Variants in ZNF570 observed in about 807,000 individuals in gnomAD.
The protein encoded by ZNF570 is zinc finger protein 570.
Under a neutral mutation model 14.2 loss-of-function variants are expected in ZNF570, and 8 were observed. That is an observed-to-expected ratio of 0.56 (90% CI 0.33 to 1.02). The LOEUF (loss-of-function observed/expected upper bound fraction) is 1.02, where lower values mean the gene tolerates loss of function less well. Among genes scored for constraint, ZNF570 ranks in the 50% least tolerant of loss-of-function variants. The probability of loss-of-function intolerance (pLI) is 0.03; values close to 1 mark genes in which losing one functional copy is unlikely to be tolerated. For synonymous variants in ZNF570, 202 were observed against 207.6 expected (o/e 0.97, Z 0.23); for missense variants, 559 against 624.9 (o/e 0.89, Z 1.12).
In ZNF570 at chr19:37,483,861, C is replaced by T. The variant is rs1568771008; in HGVS notation, c.257-18C>T. 1.2e-5 allele frequency: 19 copies of T among 1,560,090 alleles called. No individual in the cohort carries two copies. In the Admixed American group the frequency reaches 1.4e-4, roughly 12 times the overall value. On this transcript the variant is annotated intron_variant, in intron 4 of 4. Coordinates refer to ENST00000330173, the MANE Select transcript of ZNF570 (RefSeq NM_144694.5). ...ATACTCAATAGAGGAGACATTTTTT[C>T]TTATTATTACTTTTCAGGCTGGGAG...
rs1568761360 is a variant in ZNF570, at chr19:37,470,295, C to T, written c.-51-9C>T. On this transcript the variant is annotated splice_polypyrimidine_tract_variant and intron_variant, in intron 1 of 4. Coordinates refer to ENST00000330173, the MANE Select transcript of ZNF570 (RefSeq NM_144694.5). ...AGTCTAGTTTCTCATGTTCTTTTCC[C>T]CATCTCAGTCATCTGAGGCCACTGC... The T allele has an allele frequency of 6.2e-7, 1 of 1,613,158 alleles. No homozygotes were observed. Among genetic ancestry groups the T allele is most frequent in the Non-Finnish European group, 8.5e-7 (1 of 1,179,414 alleles).
chr19:37,475,616 T>G (rs1437426949), intron 2 of ZNF570, among the ~76,000 whole-genome samples: 1 of 152,008 alleles, frequency 6.6e-6, no homozygotes, highest in Non-Finnish European at 1.5e-5. Flanking sequence ...AAATTTTAGT[T>G]GAGGAGGGTG....
upstream of ZNF570, chr19:37,467,935 GAC>G: frequency 2.6e-6 from 4 of 1,536,126 alleles, no homozygotes; most frequent in Non-Finnish European, 3.5e-6. Flanking sequence ...TTGTGAGTGT[GAC>G]AGTGTTATTG....
chr19:37,483,790 T>G, intron 4 of ZNF570, 89 bp from the exon 5 acceptor site: 1 of 1,357,964 alleles, frequency 7.4e-7, no homozygotes, highest in Non-Finnish European at 9.9e-7. Context: ...GCTATTTAAT[T>G]CACATATTTT....
upstream of ZNF570, chr19:37,468,063 C>G: frequency 1.3e-6 from 1 of 756,986 alleles, no homozygotes; most frequent in Middle Eastern, 2.4e-4. Flanking sequence ...CTTCTCTATG[C>G]CTTTCGTGTT....
chr19:37,479,849 T>C (rs1031204883), intron 4 of ZNF570, among the ~76,000 whole-genome samples: 2 of 152,200 alleles, frequency 1.3e-5, no homozygotes, highest in African/African-American at 4.8e-5. Context: ...TTCCTACTCC[T>C]TTATTCTCCG....
At chr19:37,476,215 C>A in intron 3 of ZNF570, 124 bp from the exon 4 acceptor site, 1 of 1,302,712 alleles carries the variant, frequency 7.7e-7, no homozygotes, top group Non-Finnish European at 1.0e-6. Flanking sequence ...TAATACATGT[C>A]CTTTACACAT....
At position 37,483,874 on chromosome 19, in the gene ZNF570, T is replaced by C. The variant is rs1370846222; in HGVS notation, c.257-5T>C. ...GAGACATTTTTTCTTATTATTACTT[T>C]TCAGGCTGGGAGCCTATATGTGAGA... On this transcript the variant is annotated splice_region_variant and splice_polypyrimidine_tract_variant and intron_variant, in intron 4 of 4. Transcript: ENST00000330173. 2 of 1,577,438 alleles carry C rather than the reference T, an allele frequency of 1.3e-6. No individual in the cohort carries two copies. Among genetic ancestry groups the C allele is most frequent in the Non-Finnish European group, 1.7e-6 (2 of 1,167,000 alleles).
At position 37,484,761 on chromosome 19, in the gene ZNF570, A is replaced by G. The variant is rs2042131924; in HGVS notation, c.1139A>G (p.His380Arg). The G allele has an allele frequency of 6.2e-7, 1 of 1,614,166 alleles. No homozygotes were observed. The highest frequency in any genetic ancestry group is 1.1e-5 in the South Asian group (1 of 91,084). ...RAYLTVHQRI[H>R]TGERPYECKE... ...TACCTTACTGTACATCAGAGAATAC[A>G]TACTGGAGAGAGACCCTATGAATGT... Residue 380 changes from histidine to arginine, a missense_variant, in exon 5 of 5, where the codon CAT becomes CGT. Physicochemically the swap from His to Arg is conservative, Grantham distance 29. Coordinates refer to ENST00000330173, the MANE Select transcript of ZNF570 (RefSeq NM_144694.5).
Position 37,484,000 on chromosome 19 carries a change from A to C in ZNF570, c.378A>C (p.Arg126Ser). 1.9e-6 allele frequency: 3 copies of C among 1,614,068 alleles called. No homozygotes were observed. Among genetic ancestry groups the C allele is most frequent in the Non-Finnish European group, 2.5e-6 (3 of 1,180,022 alleles). Residue 126 changes from arginine to serine, a missense_variant, in exon 5 of 5, where the codon AGA becomes AGC. Arg to Ser is a moderately radical substitution (Grantham distance 110). Coordinates refer to ENST00000330173, the MANE Select transcript of ZNF570 (RefSeq NM_144694.5). ...ATAACCTTGAATACTCCAGTTTGAG[A>C]GAAGAGTGGAAATGTGAGGGCTATT... Reference protein sequence around the residue: ...TSYNLEYSSLREEWKCEGYFE... With the variant: ...TSYNLEYSSLSEEWKCEGYFE...
intron 2 of ZNF570, 97 bp from the exon 3 acceptor site, chr19:37,475,784 T>G: frequency 1.7e-6 from 2 of 1,182,880 alleles, no homozygotes; most frequent in Non-Finnish European, 2.4e-6. Context: ...GTTACATATT[T>G]GAGGATGTAA....
chr19:37,469,264 CT>C, upstream of ZNF570: 1 of 1,398,424 alleles, frequency 7.2e-7, no homozygotes, highest in Non-Finnish European at 9.3e-7. Context: ...ACGCCGCGAC[CT>C]TTTCTACTCC....
chr19:37,469,631 C>A (rs1431262347), intron 1 of ZNF570, 74 bp downstream of exon 1: 3 of 1,413,908 alleles, frequency 2.1e-6, no homozygotes, highest in Non-Finnish European at 2.9e-6. Flanking sequence ...GCGAGGAAGT[C>A]AATGGCACCG....
At chr19:37,470,065 T>A in intron 1 of ZNF570, 1 of 408,096 alleles carries the variant, frequency 2.5e-6, no homozygotes, top group African/African-American at 2.0e-5. Flanking sequence ...ATGTGAAAAC[T>A]TACATTCCTC....
chr19:37,487,918 A>C lies in ZNF570; in HGVS notation c.*2685A>C, dbSNP rs1196806764. 2.6e-5 allele frequency: 4 copies of C among 152,236 alleles called. No individual in the cohort carries two copies. Among genetic ancestry groups the C allele is most frequent in the African/African-American group, 9.6e-5 (4 of 41,458 alleles). 9.4% of individuals were successfully genotyped at this position (152,236 alleles called of 1,614,324 possible). On this transcript the variant is annotated 3_prime_UTR_variant, in exon 5 of 5. Transcript: ENST00000330173. ...ACTAGTAGTAAGGGAAATGCAAAAT[A>C]AAATCACATTGAACTAGTTCAAAAT...
chr19:37,485,206 C>T lies in ZNF570; in HGVS notation c.1584C>T (p.Pro528=), dbSNP rs781064978. 5 of 1,557,782 alleles carry T rather than the reference C, an allele frequency of 3.2e-6. No homozygotes were observed. Among genetic ancestry groups the T allele is most frequent in the Non-Finnish European group, 4.3e-6 (5 of 1,155,150 alleles). Residue 528 remains proline (P), a synonymous_variant, in exon 5 of 5, where the codon CCC becomes CCT. Coordinates refer to ENST00000330173, the MANE Select transcript of ZNF570 (RefSeq NM_144694.5). ...RIHIGESLSP[P]NPVNHQVL The stretch of plus-strand genomic sequence containing the variant: ...ACATTGGGGAGTCACTGTCACCACC[C>T]AACCCAGTCAATCACCAAGTCCTAT...
Position 37,484,621 on chromosome 19 carries a change from C to A in ZNF570, c.999C>A (p.Ile333=). ...CGGGAGAGAAACCCTATGAATGTAT[C>A]GAATGTGGGAAAGCATTTAGCAACA... ...VHTGEKPYEC[I]ECGKAFSNRS... is the part of the protein sequence containing the mutation. Residue 333 remains isoleucine (I), a synonymous_variant, in exon 5 of 5, where the codon ATC becomes ATA. Coordinates refer to ENST00000330173, the MANE Select transcript of ZNF570 (RefSeq NM_144694.5). The A allele has an allele frequency of 1.9e-6, 3 of 1,611,712 alleles. No homozygotes were observed. In the South Asian group the frequency reaches 3.3e-5, roughly 18 times the overall value.
Position 37,476,385 on chromosome 19 carries a change from A to G in ZNF570, c.207A>G (p.Gly69=). ...KPSVILLLEQ[G]KAPWMVKREL... Reference sequence around the variant, plus strand: ...GTGTGATATTATTGTTGGAACAAGGAAAAGCACCCTGGATGGTGAAGAGAG... The same window carrying G: ...GTGTGATATTATTGTTGGAACAAGGGAAAGCACCCTGGATGGTGAAGAGAG... Residue 69 remains glycine (G), a synonymous_variant, in exon 4 of 5, where the codon GGA becomes GGG. Transcript: ENST00000330173. The G allele has an allele frequency of 6.2e-7, 1 of 1,613,956 alleles. No homozygotes were observed. Among genetic ancestry groups the G allele is most frequent in the Non-Finnish European group, 8.5e-7 (1 of 1,179,930 alleles).
At position 37,488,198 on chromosome 19, in the gene ZNF570, C is replaced by T. The variant is rs559352839; in HGVS notation, c.*2965C>T. 1 of 152,238 alleles carries T rather than the reference C, an allele frequency of 6.6e-6. No individual in the cohort carries two copies. The highest frequency in any genetic ancestry group is 2.1e-4 in the South Asian group (1 of 4,822). The allele number at this position is 152,238 out of a possible 1,614,324, so 9.4% of individuals were successfully genotyped here. A position where few individuals can be genotyped will look rare whatever the true frequency, so the allele number is the denominator to read the frequency against. On this transcript the variant is annotated 3_prime_UTR_variant, in exon 5 of 5. Coordinates refer to ENST00000330173, the MANE Select transcript of ZNF570 (RefSeq NM_144694.5). Reference sequence around the variant, plus strand: ...AATGAGAAGTTGAAAGCAATCTAACCATTAGGTTAAATACAAGATAGAATG... The same window carrying T: ...AATGAGAAGTTGAAAGCAATCTAACTATTAGGTTAAATACAAGATAGAATG...
Sources: allele counts gnomAD v4.1 joint callset (sites outside exome capture counted in the v4.1 genomes callset), GRCh38; gene constraint gnomAD v4.1.1; transcripts MANE v1.5; gene names NCBI Gene and HGNC (gene_info 2026-07-23, HGNC 2026-07-21).